Variants in MIB1 observed in about 807,000 individuals in gnomAD.
MIB1 encodes MIB E3 ubiquitin protein ligase 1.
In MIB1, 278 loss-of-function variants were observed where a neutral mutation model predicts 124.5. The observed-to-expected ratio is 2.23, with a 90% CI of 2.02 to 2.47. The LOEUF (loss-of-function observed/expected upper bound fraction) is 2.47, where lower values mean the gene tolerates loss of function less well. Ranked by LOEUF, MIB1 falls within the 30% of genes most tolerant of loss-of-function variation. The probability of loss-of-function intolerance (pLI) is 0.00; values close to 1 mark genes in which losing one functional copy is unlikely to be tolerated. For missense variants in MIB1, 957 were observed against 1,254.4 expected (o/e 0.76, Z 3.58); for synonymous variants, 446 against 429.4 (o/e 1.04, Z -0.48).
At chr18:21,716,319 A>T (rs2040689487) in intron 1 of MIB1, among the ~76,000 whole-genome samples, 1 of 152,214 alleles carries the variant, frequency 6.6e-6, no homozygotes, top group Non-Finnish European at 1.5e-5. Flanking sequence ...AATGCTGAAA[A>T]AATTTGCCAC....
intron 12 of MIB1, among the ~76,000 whole-genome samples, chr18:21,835,237 A>T (rs894033513): frequency 2.6e-5 from 4 of 152,140 alleles, no homozygotes; most frequent in African/African-American, 9.7e-5. Flanking sequence ...TTTTTAAAAG[A>T]TTTATTTAAA....
intron 6 of MIB1, among the ~76,000 whole-genome samples, chr18:21,781,544 G>A (rs1177122754): frequency 6.6e-6 from 1 of 151,280 alleles, no homozygotes; most frequent in Non-Finnish European, 1.5e-5. Flanking sequence ...CTCCCAAGTA[G>A]CTGGGATTAT....
intron 1 of MIB1, among the ~76,000 whole-genome samples, chr18:21,759,974 A>G (rs140025607): frequency 6.6e-6 from 1 of 152,344 alleles, no homozygotes; most frequent in East Asian, 1.9e-4. Flanking sequence ...CTAAGTTGTT[A>G]AACTCAGGCA....
At chr18:21,787,954 CTT>C (rs2041456227) in intron 6 of MIB1, among the ~76,000 whole-genome samples, 1 of 152,008 alleles carries the variant, frequency 6.6e-6, no homozygotes, top group Non-Finnish European at 1.5e-5. Flanking sequence ...CTTTTTCTCC[CTT>C]GTTACCTGGA....
intron 1 of MIB1, among the ~76,000 whole-genome samples, chr18:21,758,628 G>A (rs2041061875): frequency 6.6e-6 from 1 of 151,888 alleles, no homozygotes; most frequent in South Asian, 2.1e-4. Context: ...TCCGCCTCCT[G>A]GGTTCAAGCA....
At chr18:21,805,993 T>A (rs2041701537) in intron 10 of MIB1, among the ~76,000 whole-genome samples, 2 of 139,670 alleles carry the variant, frequency 1.4e-5, no homozygotes, top group African/African-American at 5.4e-5. Flanking sequence ...AACCTCCGCC[T>A]CCCGGTTCAA....
chr18:21,812,912 C>G (rs1192574349), intron 10 of MIB1, among the ~76,000 whole-genome samples: 2 of 152,106 alleles, frequency 1.3e-5, no homozygotes, highest in Non-Finnish European at 2.9e-5. Flanking sequence ...AGCAACAAAA[C>G]TTACAAGTTA....
intron 1 of MIB1, among the ~76,000 whole-genome samples, chr18:21,746,260 T>TA (rs1555687365): frequency 2.0e-5 from 3 of 152,244 alleles, no homozygotes; most frequent in Admixed American, 6.5e-5. Context: ...ATCTTTCTGA[T>TA]ACGATTTTTC....
rs191049502 is a variant in MIB1, at chr18:21,768,181, A to G, written c.402-442A>G. On this transcript the variant is annotated intron_variant, in intron 2 of 20. Transcript: ENST00000261537. The stretch of plus-strand genomic sequence containing the variant: ...GCGATTTGAGTTTGCCATCTCTACA[A>G]TAGTGAAGAGTATAGTGATACCCAG... 5.7e-4 allele frequency among the ~76,000 whole-genome samples: 87 copies of G among 152,338 alleles called. 1 individual carries two copies. Among genetic ancestry groups the G allele is most frequent in the Admixed American group, 1.7e-3 (26 of 15,304 alleles).
intron 10 of MIB1, among the ~76,000 whole-genome samples, chr18:21,809,336 A>T (rs928595324): frequency 1.1e-4 from 16 of 152,108 alleles, no homozygotes; most frequent in African/African-American, 3.6e-4. Context: ...CCAAACATTT[A>T]AAAAAGAACT....
chr18:21,804,106 T>G (rs552267110), intron 10 of MIB1, 92 bp downstream of exon 10: 1 of 942,640 alleles, frequency 1.1e-6, no homozygotes, highest in Admixed American at 2.2e-5. Flanking sequence ...ATTTTTGAAA[T>G]TTAGTATCCA....
At chr18:21,749,966 G>A (rs1231818052) in intron 1 of MIB1, among the ~76,000 whole-genome samples, 1 of 151,108 alleles carries the variant, frequency 6.6e-6, no homozygotes, top group African/African-American at 2.4e-5. Context: ...TAACTTTCCA[G>A]TTTTCTTGTA....
intron 9 of MIB1, chr18:21,803,703 A>C (rs911033396): frequency 4.0e-5 from 17 of 420,616 alleles, no homozygotes; most frequent in African/African-American, 3.4e-4. Context: ...TGGACAATGA[A>C]ACTTTTGTTT....
intron 12 of MIB1, among the ~76,000 whole-genome samples, chr18:21,837,521 GACAA>G (rs2042045119): frequency 6.6e-6 from 1 of 152,108 alleles, no homozygotes; most frequent in East Asian, 1.9e-4. Context: ...AAAACAAACA[GACAA>G]ACAAAAGTCT....
At chr18:21,842,995 G>C (rs1191836148) in intron 13 of MIB1, 136 bp from the exon 14 acceptor site, 1 of 580,662 alleles carries the variant, frequency 1.7e-6, no homozygotes, top group South Asian at 2.4e-5. Context: ...TACCATATGA[G>C]AATAACATTG....
At chr18:21,723,837 C>T (rs2040725860) in intron 1 of MIB1, among the ~76,000 whole-genome samples, 1 of 151,580 alleles carries the variant, frequency 6.6e-6, no homozygotes, top group Non-Finnish European at 1.5e-5. Context: ...TATAAATCCA[C>T]ATCTGTTTAT....
intron 1 of MIB1, among the ~76,000 whole-genome samples, chr18:21,762,375 CAG>C (rs1477417569): frequency 1.3e-5 from 2 of 152,046 alleles, no homozygotes; most frequent in Non-Finnish European, 2.9e-5. Context: ...TGTTAATTAA[CAG>C]AGGGAAATTC....
At chr18:21,781,754 T>A (rs961861296) in intron 6 of MIB1, among the ~76,000 whole-genome samples, 5 of 152,072 alleles carry the variant, frequency 3.3e-5, no homozygotes, top group African/African-American at 1.2e-4. Flanking sequence ...GTAGGTTGTT[T>A]ATGTCCAATA....
intron 10 of MIB1, among the ~76,000 whole-genome samples, chr18:21,809,758 TA>T (rs2041749733): frequency 6.6e-6 from 1 of 152,062 alleles, no homozygotes; most frequent in Non-Finnish European, 1.5e-5. Flanking sequence ...TACCTCAATG[TA>T]ATAAAAGCCA....
Sources: allele counts gnomAD v4.1 joint callset (sites outside exome capture counted in the v4.1 genomes callset), GRCh38; gene constraint gnomAD v4.1.1; transcripts MANE v1.5; gene names NCBI Gene and HGNC (gene_info 2026-07-23, HGNC 2026-07-21).